Variants in ANKRD28 observed in about 807,000 individuals in gnomAD.
ANKRD28 encodes the protein serine/threonine-protein phosphatase 6 regulatory ankyrin repeat subunit A.
A neutral mutation model predicts 126.5 loss-of-function variants in ANKRD28; 44 were observed. The ratio of observed to expected loss-of-function variants is 0.35; its 90% CI spans 0.27 to 0.45. The LOEUF is 0.45. ANKRD28 is among the 20% of genes least tolerant of loss of function. The pLI is 1.00. For synonymous variants in ANKRD28, 442 were observed against 468.5 expected (o/e 0.94, Z 0.73); for missense variants, 1,110 against 1,316.6 (o/e 0.84, Z 2.43).
chr3:15,701,663 TAAATA>T (rs997161526), intron 14 of ANKRD28, among the ~76,000 whole-genome samples: 2 of 151,724 alleles, frequency 1.3e-5, no homozygotes, highest in Non-Finnish European at 2.9e-5. Context: ...AATAAATAAA[TAAATA>T]AAATAAAAAG....
intron 4 of ANKRD28, among the ~76,000 whole-genome samples, chr3:15,739,336 T>G (rs1233477663): frequency 1.3e-5 from 2 of 152,156 alleles, no homozygotes; most frequent in Non-Finnish European, 2.9e-5. Flanking sequence ...AAGTATTAAT[T>G]TGGGGAACTA....
intron 2 of ANKRD28, among the ~76,000 whole-genome samples, chr3:15,770,829 A>T (rs2058961965): frequency 6.6e-6 from 1 of 152,152 alleles, no homozygotes; most frequent in South Asian, 2.1e-4. Context: ...TATTAACTGA[A>T]AGTAGGGGAA....
At chr3:15,832,179 A>G (rs2061217662) in intron 1 of ANKRD28, among the ~76,000 whole-genome samples, 1 of 152,236 alleles carries the variant, frequency 6.6e-6, no homozygotes, top group Admixed American at 6.5e-5. Flanking sequence ...ATCACTTCAG[A>G]TAGTGCTACA....
intron 1 of ANKRD28, among the ~76,000 whole-genome samples, chr3:15,823,621 T>C (rs980893196): frequency 1.8e-4 from 28 of 152,094 alleles, no homozygotes; most frequent in South Asian, 4.1e-4. Context: ...AAAGACATCA[T>C]GAGGAAACAA....
In ANKRD28 at chr3:15,833,351, C is replaced by T. The variant is rs926722759; in HGVS notation, c.27+26026G>A. Reference sequence around the variant, plus strand: ...TCCTGTGCTGGATACTTCCTGCCCTCAAGCATTGGACTCCAAGTTATTCAG... The same window carrying T: ...TCCTGTGCTGGATACTTCCTGCCCTTAAGCATTGGACTCCAAGTTATTCAG... On this transcript the variant is annotated intron_variant, in intron 1 of 27. Transcript: ENST00000399451. This position sits in a 1 kb window ranked among gnomAD's most constrained non-coding sequence, Gnocchi z 4.4. 3.3e-5 allele frequency among the ~76,000 whole-genome samples: 5 copies of T among 152,104 alleles called. No homozygotes were observed. The highest frequency in any genetic ancestry group is 9.7e-5 in the African/African-American group (4 of 41,426).
At position 15,670,318 on chromosome 3, in the gene ANKRD28, T is replaced by G; in HGVS notation, c.3204A>C (p.Leu1068Phe). 1.9e-6 allele frequency: 3 copies of G among 1,613,974 alleles called. No individual in the cohort carries two copies. Among genetic ancestry groups the G allele is most frequent in the Non-Finnish European group, 2.5e-6 (3 of 1,179,852 alleles). Residue 1068 changes from leucine (L) to phenylalanine (F), a missense_variant, in exon 28 of 28, where the codon TTA becomes TTC. By Grantham distance (22) the Leu-to-Phe change is conservative. Transcript: ENST00000683139. ...FNNIGGEQEY[L>F]YTDVDELNDS... ...CGTTGAGCTCATCCACGTCAGTGTATAAGTACTCCTGTTCCCCTCCAATGT... is the reference window on the plus strand; with the variant it reads ...CGTTGAGCTCATCCACGTCAGTGTAGAAGTACTCCTGTTCCCCTCCAATGT...
At chr3:15,807,539 G>A (rs1287763882) in intron 1 of ANKRD28, among the ~76,000 whole-genome samples, 2 of 152,168 alleles carry the variant, frequency 1.3e-5, no homozygotes, top group African/African-American at 4.8e-5. Context: ...CTGTTAAAAT[G>A]AGAGTTTTAT....
At chr3:15,805,724 A>C (rs568679506) in intron 1 of ANKRD28, among the ~76,000 whole-genome samples, 9 of 152,292 alleles carry the variant, frequency 5.9e-5, no homozygotes, top group African/African-American at 2.2e-4. Context: ...GCCAGAGTAA[A>C]TGTAGTATGA....
chr3:15,740,134 A>T (rs1043607077), intron 4 of ANKRD28, among the ~76,000 whole-genome samples: 5 of 152,260 alleles, frequency 3.3e-5, no homozygotes, highest in Admixed American at 2.0e-4. Flanking sequence ...GTCGTGACAC[A>T]AGAATACATA....
In ANKRD28 at chr3:15,858,532, C is replaced by T. The variant is rs944307816; in HGVS notation, c.27+845G>A. Among the ~76,000 whole-genome samples the T allele has an allele frequency of 2.2e-4, 34 of 152,310 alleles. 5 individuals carry two copies. Among genetic ancestry groups the T allele is most frequent in the Admixed American group, 9.8e-4 (15 of 15,300 alleles). ...TTCCAAAACATCCAAGTTATTTTCCCTTCAAATCTGTTCAACATCTTCTGT... is the reference window on the plus strand; with the variant it reads ...TTCCAAAACATCCAAGTTATTTTCCTTTCAAATCTGTTCAACATCTTCTGT... On this transcript the variant is annotated intron_variant, in intron 1 of 27. Coordinates refer to the ANKRD28 transcript ENST00000399451.
intron 2 of ANKRD28, among the ~76,000 whole-genome samples, chr3:15,790,090 G>C (rs1451403807): frequency 6.6e-6 from 1 of 152,048 alleles, no homozygotes; most frequent in African/African-American, 2.4e-5. Flanking sequence ...TACCAAGATT[G>C]AAACAAGAGG....
chr3:15,814,115 C>T lies in ANKRD28; in HGVS notation c.28-18809G>A. 1 of 308,264 alleles carries T rather than the reference C, an allele frequency of 3.2e-6. No individual in the cohort carries two copies. The highest frequency in any genetic ancestry group is 5.1e-6 in the Non-Finnish European group (1 of 197,108). 19.1% of individuals were successfully genotyped at this position (308,264 alleles called of 1,614,324 possible). On this transcript the variant is annotated intron_variant, in intron 1 of 27. Transcript: ENST00000399451. This position sits in a 1 kb window ranked among gnomAD's most constrained non-coding sequence, Gnocchi z 4.7. ...ACAATAAAGGACTTTTTGGCTGACA[C>T]TAACTATTTACTCACATACAGTTAT...
intron 14 of ANKRD28, among the ~76,000 whole-genome samples, chr3:15,699,006 G>C (rs1477824325): frequency 1.3e-5 from 2 of 152,190 alleles, no homozygotes; most frequent in Non-Finnish European, 1.5e-5. Flanking sequence ...CAAGGCTACA[G>C]TAACCAAAAC....
intron 4 of ANKRD28, among the ~76,000 whole-genome samples, chr3:15,747,397 C>T (rs1247791339): frequency 6.6e-6 from 1 of 152,080 alleles, no homozygotes; most frequent in Non-Finnish European, 1.5e-5. Flanking sequence ...GGTTGTGCCA[C>T]TATTATTGTT....
Position 15,846,600 on chromosome 3 carries a change from C to T in ANKRD28, c.27+12777G>A, listed in dbSNP as rs192929747. 9.8e-5 allele frequency among the ~76,000 whole-genome samples: 15 copies of T among 152,304 alleles called. No individual in the cohort carries two copies. The highest frequency in any genetic ancestry group is 2.1e-4 in the South Asian group (1 of 4,832). ...TAAATTCTGACCATTTTATAACAATCGAAAGAGCTCCACTGATTAAAGTAA... is the reference window on the plus strand; with the variant it reads ...TAAATTCTGACCATTTTATAACAATTGAAAGAGCTCCACTGATTAAAGTAA... On this transcript the variant is annotated intron_variant, in intron 1 of 27. Transcript: ENST00000399451. This position sits in a 1 kb window ranked among gnomAD's most constrained non-coding sequence, Gnocchi z 5.4.
At chr3:15,859,748 T>G in exon 1 of ANKRD28, 1 of 153,616 alleles carries the variant, frequency 6.5e-6, no homozygotes, top group Non-Finnish European at 1.4e-5. Flanking sequence ...CTTCCCGAAA[T>G]ACCCTGGCAG....
At chr3:15,719,770 G>C (rs944060524) in intron 8 of ANKRD28, among the ~76,000 whole-genome samples, 1 of 152,012 alleles carries the variant, frequency 6.6e-6, no homozygotes, top group African/African-American at 2.4e-5. Flanking sequence ...GCCCAGGCTG[G>C]TCTTGAACTC....
At chr3:15,790,184 C>A (rs1387367375) in intron 2 of ANKRD28, among the ~76,000 whole-genome samples, 1 of 152,022 alleles carries the variant, frequency 6.6e-6, no homozygotes, top group Non-Finnish European at 1.5e-5. Context: ...AAGGCCAGGA[C>A]ATAATGGCTT....
intron 5 of ANKRD28, among the ~76,000 whole-genome samples, chr3:15,735,771 A>G (rs1369375345): frequency 6.6e-6 from 1 of 152,206 alleles, no homozygotes; most frequent in Non-Finnish European, 1.5e-5. Flanking sequence ...ACAAATCTGG[A>G]AAGTCTAAGA....
Sources: allele counts gnomAD v4.1 joint callset (sites outside exome capture counted in the v4.1 genomes callset), GRCh38; gene constraint gnomAD v4.1.1; non-coding constraint Gnocchi (gnomAD v3.1); transcripts MANE v1.5; gene names NCBI Gene and HGNC (gene_info 2026-07-23, HGNC 2026-07-21).